WDFY2: variants seen among roughly 807,000 people sequenced by gnomAD.
The protein encoded by WDFY2 is WD repeat and FYVE domain-containing protein 2.
A neutral mutation model predicts 56.4 loss-of-function variants in WDFY2; 36 were observed. The ratio of observed to expected loss-of-function variants is 0.64; its 90% CI spans 0.49 to 0.84. WDFY2 has a LOEUF of 0.84. Among genes scored for constraint, WDFY2 ranks in the 40% least tolerant of loss-of-function variants. WDFY2 has a pLI of 0.00. For missense variants in WDFY2, 444 were observed against 512.2 expected (o/e 0.87, Z 1.29); for synonymous variants, 176 against 183.7 (o/e 0.96, Z 0.34).
At chr13:51,631,219 C>T (rs1296597883) in intron 1 of WDFY2, among the ~76,000 whole-genome samples, 1 of 151,304 alleles carries the variant, frequency 6.6e-6, no homozygotes, top group African/African-American at 2.4e-5. Flanking sequence ...TGGAGAAATC[C>T]GTCTCTACAA....
At chr13:51,596,956 C>G (rs1954162723) in intron 1 of WDFY2, among the ~76,000 whole-genome samples, 1 of 152,166 alleles carries the variant, frequency 6.6e-6, no homozygotes. Flanking sequence ...TTTAATTTCA[C>G]AGTTCAGTGT....
At chr13:51,751,521 A>C in intron 8 of WDFY2, 106 bp downstream of exon 8, 1 of 1,087,494 alleles carries the variant, frequency 9.2e-7, no homozygotes, top group Middle Eastern at 2.0e-4. Flanking sequence ...AAGGCATGTA[A>C]CGTTAAAGAA....
chr13:51,759,959 A>C lies in WDFY2; in HGVS notation c.*190A>C, dbSNP rs965762420. The stretch of plus-strand genomic sequence containing the variant: ...GAGCACTCGCAAGGGGACTCTTCCA[A>C]CTTGTTCATACAATATAAAAGAAGC... On this transcript the variant is annotated 3_prime_UTR_variant, in exon 12 of 12. Coordinates refer to ENST00000298125, the MANE Select transcript of WDFY2 (RefSeq NM_052950.4). 1 of 548,950 alleles carries C rather than the reference A, an allele frequency of 1.8e-6. No individual in the cohort carries two copies. The highest frequency in any genetic ancestry group is 1.9e-5 in the African/African-American group (1 of 53,198). The allele number at this position is 548,950 out of a possible 1,614,324, so 34.0% of individuals were successfully genotyped here. A position where few individuals can be genotyped will look rare whatever the true frequency, so the allele number is the denominator to read the frequency against.
chr13:51,626,294 G>A (rs142506460), intron 1 of WDFY2, among the ~76,000 whole-genome samples: 4 of 152,314 alleles, frequency 2.6e-5, no homozygotes, highest in South Asian at 4.1e-4. Flanking sequence ...TGAAATTCAA[G>A]TATCTCTTTC....
At chr13:51,643,280 G>A (rs1955206749) in intron 1 of WDFY2, among the ~76,000 whole-genome samples, 1 of 152,072 alleles carries the variant, frequency 6.6e-6, no homozygotes, top group African/African-American at 2.4e-5. Flanking sequence ...TTTTTAAGAT[G>A]ACTATCCTGG....
At chr13:51,661,034 A>G (rs1348321532) in intron 2 of WDFY2, among the ~76,000 whole-genome samples, 1 of 152,192 alleles carries the variant, frequency 6.6e-6, no homozygotes, top group Admixed American at 6.5e-5. Context: ...TCCTTGCCTT[A>G]TTGTTATATC....
At chr13:51,684,643 T>G (rs1956032296) in intron 3 of WDFY2, among the ~76,000 whole-genome samples, 1 of 152,120 alleles carries the variant, frequency 6.6e-6, no homozygotes, top group Non-Finnish European at 1.5e-5. Flanking sequence ...AATATGCTCT[T>G]CTCTCTTCCT....
At chr13:51,707,130 T>A (rs1452443397) in intron 4 of WDFY2, among the ~76,000 whole-genome samples, 1 of 152,194 alleles carries the variant, frequency 6.6e-6, no homozygotes, top group Admixed American at 6.5e-5. Context: ...ATGGATTTGA[T>A]GTCTATGGAA....
intron 1 of WDFY2, among the ~76,000 whole-genome samples, chr13:51,642,584 G>A (rs908411994): frequency 6.6e-6 from 1 of 151,782 alleles, no homozygotes; most frequent in South Asian, 2.1e-4. Context: ...TTGAGCCACC[G>A]TGCCCAGCCA....
intron 1 of WDFY2, among the ~76,000 whole-genome samples, chr13:51,629,767 T>G (rs1029784178): frequency 1.3e-5 from 2 of 151,916 alleles, no homozygotes; most frequent in African/African-American, 4.8e-5. Context: ...GCTTTTTGTT[T>G]TCTTCAGTAA....
At chr13:51,759,248 G>T (rs1953501605) in intron 11 of WDFY2, among the ~76,000 whole-genome samples, 1 of 152,124 alleles carries the variant, frequency 6.6e-6, no homozygotes, top group South Asian at 2.1e-4. Context: ...TGAAAACGAG[G>T]TATCTTGTAA....
intron 10 of WDFY2, 23 bp downstream of exon 10, chr13:51,756,485 C>G: frequency 6.2e-7 from 1 of 1,608,374 alleles, no homozygotes; most frequent in Non-Finnish European, 8.5e-7. Flanking sequence ...AGCCTGCAGA[C>G]CGCTTCAGGT....
chr13:51,625,426 G>A (rs978644290), intron 1 of WDFY2, among the ~76,000 whole-genome samples: 2 of 152,096 alleles, frequency 1.3e-5, no homozygotes, highest in Non-Finnish European at 1.5e-5. Flanking sequence ...TTTTAAGGTG[G>A]GAAGGAATGT....
chr13:51,743,867 C>G (rs2138699090), intron 7 of WDFY2, among the ~76,000 whole-genome samples: 1 of 152,232 alleles, frequency 6.6e-6, no homozygotes, highest in South Asian at 2.1e-4. Context: ...AGGAGGTTAC[C>G]CAGAACAGAG....
intron 1 of WDFY2, among the ~76,000 whole-genome samples, chr13:51,597,697 T>A (rs946524587): frequency 2.0e-5 from 3 of 152,328 alleles, no homozygotes; most frequent in African/African-American, 4.8e-5. Flanking sequence ...GGAGTTTAGC[T>A]AGGAGATTGC....
chr13:51,595,339 C>G (rs1030103218), intron 1 of WDFY2, among the ~76,000 whole-genome samples: 11 of 152,284 alleles, frequency 7.2e-5, no homozygotes, highest in Admixed American at 6.5e-4. Context: ...AGACTGAAGT[C>G]CACCGTTGGA....
At chr13:51,607,846 G>T (rs1954412406) in intron 1 of WDFY2, among the ~76,000 whole-genome samples, 1 of 152,156 alleles carries the variant, frequency 6.6e-6, no homozygotes, top group South Asian at 2.1e-4. Flanking sequence ...AAGAGATTTT[G>T]TAGATATGAT....
intron 3 of WDFY2, among the ~76,000 whole-genome samples, chr13:51,677,737 T>C (rs1955911142): frequency 6.6e-6 from 1 of 151,984 alleles, no homozygotes; most frequent in Non-Finnish European, 1.5e-5. Flanking sequence ...TTTCAAAAAA[T>C]GTGGCCACAA....
In WDFY2 at chr13:51,757,583, G is replaced by A. The variant is rs563513588; in HGVS notation, c.1065-609G>A. Among the ~76,000 whole-genome samples, 7 of 151,728 alleles carry A rather than the reference G, an allele frequency of 4.6e-5. No homozygotes were observed. In the East Asian group the frequency reaches 1.4e-3, roughly 29 times the overall value. ...CTGTTTCTTCTGCCTCTTCTCTGTG[G>A]AAGCACTTGCATTGCCTCTAGAGCA... On this transcript the variant is annotated intron_variant, in intron 10 of 11. Transcript: ENST00000298125.
Sources: gnomAD v4.1 joint callset for allele counts (sites outside exome capture counted in the v4.1 genomes callset) on GRCh38, gnomAD v4.1.1 for gene constraint, MANE v1.5 for transcripts, NCBI Gene and HGNC (gene_info 2026-07-23, HGNC 2026-07-21) for gene names.